Variants in ZNF334 observed in about 807,000 individuals in gnomAD.
ZNF334 encodes zinc finger protein 334.
Under a neutral mutation model 12.4 loss-of-function variants are expected in ZNF334, and 14 were observed. The observed-to-expected ratio is 1.13, with a 90% confidence interval of 0.74 to 1.76. The LOEUF (loss-of-function observed/expected upper bound fraction) is 1.76, where lower values mean the gene tolerates loss of function less well. Ranked by LOEUF, ZNF334 falls within the 40% of genes most tolerant of loss-of-function variation. ZNF334 has a pLI of 0.00. For synonymous variants in ZNF334, 273 were observed against 269.6 expected (o/e 1.01, Z -0.12); for missense variants, 797 against 804.5 (o/e 0.99, Z 0.11).
At chr20:46,488,887 C>T in the ZNF334 span, among the ~76,000 whole-genome samples, 1 of 149,586 alleles carries the variant, frequency 6.7e-6, no homozygotes, top group Non-Finnish European at 1.5e-5. Context: ...AATCTGATGT[C>T]ATCTTTGTCT....
In ZNF334 at chr20:46,502,002, G is replaced by A. The variant is rs781186074; in HGVS notation, c.1337C>T (p.Ser446Leu). ...AGTTATCTGATGTGCAATGAGGGCT[G>A]ATTTCGTACATAAAAATTTTCCACA... ...SQCGKFLCTK[S>L]ALIAHQITHR... is the part of the protein sequence containing the mutation. The change falls in exon 5 of 5, where the codon TCA (serine) becomes TTA (leucine). Residue 446 changes from serine (S) to leucine (L), a missense_variant. By Grantham distance (145) the Ser-to-Leu change is moderately radical. Coordinates refer to ENST00000692313, the MANE Select transcript of ZNF334 (RefSeq NM_001353824.2). The A allele has an allele frequency of 2.5e-6, 4 of 1,613,928 alleles. No homozygotes were observed. The African/African-American group carries it at 5.3e-5, about 22-fold the overall frequency.
intron 2 of ZNF334, among the ~76,000 whole-genome samples, chr20:46,508,950 T>G (rs575588144): frequency 3.9e-5 from 6 of 152,336 alleles, no homozygotes; most frequent in African/African-American, 1.4e-4. Context: ...TGTATTTGAT[T>G]TGAACTGGAA....
chr20:46,479,432 C>T, the ZNF334 span, among the ~76,000 whole-genome samples: 1,882 of 152,240 alleles, frequency 0.012, 13 homozygotes, highest in African/African-American at 0.013. Flanking sequence ...TTGGACACAC[C>T]TCGTTATACC....
chr20:46,487,377 C>G, the ZNF334 span, among the ~76,000 whole-genome samples: 1 of 152,236 alleles, frequency 6.6e-6, no homozygotes, highest in Non-Finnish European at 1.5e-5. Flanking sequence ...CATCCTTACA[C>G]ACAAGCCATC....
At position 46,500,854 on chromosome 20, in the gene ZNF334, A is replaced by T; in HGVS notation, c.*442T>A. 1 of 182,760 alleles carries T rather than the reference A, an allele frequency of 5.5e-6. No individual in the cohort carries two copies. The highest frequency in any genetic ancestry group is 1.1e-4 in the South Asian group (1 of 8,876). The allele number at this position is 182,760 out of a possible 1,614,324, so 11.3% of individuals were successfully genotyped here. A position where few individuals can be genotyped will look rare whatever the true frequency, so the allele number is the denominator to read the frequency against. ...ACTATGGAGTTAGCAGACAACAAAA[A>T]ATCTGCCAAATCTGAAAATACACCA... On this transcript the variant is annotated 3_prime_UTR_variant, in exon 5 of 5. Transcript: ENST00000692313.
downstream of ZNF334, among the ~76,000 whole-genome samples, chr20:46,498,177 G>GTAGC (rs1833488691): frequency 6.6e-6 from 1 of 152,198 alleles, no homozygotes; most frequent in African/African-American, 2.4e-5. Context: ...GTTGCCTCTG[G>GTAGC]TAGCTAGCCT....
the ZNF334 span, among the ~76,000 whole-genome samples, chr20:46,493,090 GA>G: frequency 0.79 from 112,419 of 141,966 alleles, 43,761 homozygotes; most frequent in East Asian, 0.9. Flanking sequence ...TCTGTCTTTA[GA>G]AAAAAAAAAA....
At chr20:46,509,723 C>T (rs1407255324) in intron 2 of ZNF334, 2 of 700,954 alleles carry the variant, frequency 2.9e-6, no homozygotes, top group East Asian at 2.7e-5. Flanking sequence ...GCTGGTACCA[C>T]ACCTCATGGT....
the ZNF334 span, among the ~76,000 whole-genome samples, chr20:46,470,071 T>C: frequency 6.6e-6 from 1 of 152,106 alleles, no homozygotes; most frequent in African/African-American, 2.4e-5. Flanking sequence ...CCTAGGACAA[T>C]ACCCACCTAA....
the ZNF334 span, among the ~76,000 whole-genome samples, chr20:46,469,125 AT>A: frequency 6.6e-6 from 1 of 152,202 alleles, no homozygotes; most frequent in Admixed American, 6.5e-5. Context: ...TATTTGATAT[AT>A]AATTAAAAAC....
At chr20:46,510,464 G>A (rs1601073488) in intron 2 of ZNF334, among the ~76,000 whole-genome samples, 1 of 152,160 alleles carries the variant, frequency 6.6e-6, no homozygotes, top group African/African-American at 2.4e-5. Flanking sequence ...GATGGCTCAC[G>A]CCTGTAATCC....
At position 46,504,248 on chromosome 20, in the gene ZNF334, C is replaced by T. The variant is rs764513934; in HGVS notation, c.207G>A (p.Trp69Ter). ...IFKLEQGEEP[W>*]IVEEFSNQNY... ...TCTGATTTGAGAATTCCTCCACTAT[C>T]CATGGCTCTTCTCCTTGCTCCAATT... The change falls in exon 4 of 5, where the codon TGG becomes TGA. Residue 69 changes from tryptophan (W) to a stop codon, truncating the protein, a stop_gained. Coordinates refer to ENST00000692313, the MANE Select transcript of ZNF334 (RefSeq NM_001353824.2). LOFTEE classifies it low-confidence loss of function (END_TRUNC). The T allele has an allele frequency of 1.9e-6, 3 of 1,613,588 alleles. No homozygotes were observed. The highest frequency in any genetic ancestry group is 2.5e-6 in the Non-Finnish European group (3 of 1,179,786).
At chr20:46,465,292 C>G in the ZNF334 span, 246 of 162,550 alleles carry the variant, frequency 1.5e-3, 5 homozygotes, top group East Asian at 0.045. Flanking sequence ...TCCCACATAC[C>G]CATTTTTGGT....
chr20:46,465,242 CTGT>C, the ZNF334 span: 4 of 180,164 alleles, frequency 2.2e-5, no homozygotes, highest in Admixed American at 6.2e-5. Flanking sequence ...GATATTGTGG[CTGT>C]TGTTCTGGGA....
At position 46,502,718 on chromosome 20, in the gene ZNF334, T is replaced by C; in HGVS notation, c.621A>G (p.Gln207=). The part of the protein sequence containing the change: ...ILHQNIQILK[Q]PFDYNKCGKT... ...TCCCACATTTATTATAGTCAAACGG[T>C]TGTTTCAAAATCTGAATGTTCTGGT... The change falls in exon 5 of 5, where the codon CAA becomes CAG. Residue 207 remains glutamine, a synonymous_variant. Transcript: ENST00000692313. 1 of 1,613,552 alleles carries C rather than the reference T, an allele frequency of 6.2e-7. No individual in the cohort carries two copies. The highest frequency in any genetic ancestry group is 8.5e-7 in the Non-Finnish European group (1 of 1,179,972).
At chr20:46,478,467 A>AC in the ZNF334 span, among the ~76,000 whole-genome samples, 3 of 152,200 alleles carry the variant, frequency 2.0e-5, no homozygotes, top group South Asian at 6.2e-4. Flanking sequence ...GGTTGTGAAG[A>AC]CCAAGTTTTT....
chr20:46,485,671 A>C, the ZNF334 span: 1 of 152,180 alleles, frequency 6.6e-6, no homozygotes, highest in Admixed American at 6.5e-5. Flanking sequence ...ATAGGCTCCT[A>C]AAAGTCAGGG....
the ZNF334 span, among the ~76,000 whole-genome samples, chr20:46,490,707 T>G: frequency 1.3e-5 from 2 of 152,174 alleles, no homozygotes; most frequent in African/African-American, 4.8e-5. Context: ...AACTCCTACT[T>G]CTCATCCTAC....
At chr20:46,467,492 A>T in the ZNF334 span, among the ~76,000 whole-genome samples, 10 of 152,074 alleles carry the variant, frequency 6.6e-5, 1 homozygote, top group African/African-American at 2.4e-4. Context: ...ATATCCCCCT[A>T]GGAGTAGACA....
Sources: gnomAD v4.1 joint callset for allele counts (sites outside exome capture counted in the v4.1 genomes callset) on GRCh38, gnomAD v4.1.1 for gene constraint, MANE v1.5 for transcripts, NCBI Gene and HGNC (gene_info 2026-07-23, HGNC 2026-07-21) for gene names.